The following SYNPR variants were observed in gnomAD, a reference collection of about 807,000 sequenced individuals.
The protein encoded by SYNPR is synaptoporin.
In SYNPR, 23 loss-of-function variants were observed where a neutral mutation model predicts 32.9. The ratio of observed to expected loss-of-function variants is 0.70; its 90% confidence interval spans 0.50 to 0.99. The LOEUF is 0.99. SYNPR is among the 50% of genes least tolerant of loss of function. SYNPR has a pLI of 0.00. For synonymous variants in SYNPR, 146 were observed against 135.9 expected (o/e 1.07, Z -0.52); for missense variants, 318 against 349.3 (o/e 0.91, Z 0.71).
At chr3:63,207,255 C>T in the SYNPR span, among the ~76,000 whole-genome samples, 10 of 152,180 alleles carry the variant, frequency 6.6e-5, no homozygotes, top group Middle Eastern at 3.2e-3. Flanking sequence ...CTGGGACCCA[C>T]GTCAGCTTGA....
At chr3:63,261,327 C>T (rs990731435) in intron 2 of SYNPR, among the ~76,000 whole-genome samples, 2 of 151,838 alleles carry the variant, frequency 1.3e-5, no homozygotes, top group Non-Finnish European at 2.9e-5. Context: ...AAATGTCCAA[C>T]AATGATAGAC....
rs571024189 is a variant in SYNPR at position 63,510,328 on chromosome 3, A to C, written c.209+29372A>C. On this transcript the variant is annotated intron_variant, in intron 3 of 5. Coordinates refer to ENST00000478300, the MANE Select transcript of SYNPR (RefSeq NM_001130003.2). ...TGGTTTTGAATGGAGAGAACAATGGAAAATTTAAAACAATGCTGTGTTTTT... is the reference window on the plus strand; with the variant it reads ...TGGTTTTGAATGGAGAGAACAATGGCAAATTTAAAACAATGCTGTGTTTTT... Among the ~76,000 whole-genome samples the C allele has an allele frequency of 2.0e-4, 31 of 152,298 alleles. No individual in the cohort carries two copies. In the South Asian group the frequency reaches 6.2e-3, roughly 31 times the overall value.
intron 2 of SYNPR, among the ~76,000 whole-genome samples, chr3:63,366,610 A>G (rs2087732041): frequency 2.0e-5 from 3 of 152,202 alleles, no homozygotes; most frequent in Non-Finnish European, 2.9e-5. Flanking sequence ...TCTTGCTGAC[A>G]GGTCACCAAT....
intron 2 of SYNPR, among the ~76,000 whole-genome samples, chr3:63,468,058 G>A (rs917895092): frequency 1.3e-5 from 2 of 152,038 alleles, no homozygotes; most frequent in South Asian, 2.1e-4. Flanking sequence ...AATTAGCCAG[G>A]CGTGGTGGCA....
At chr3:63,575,587 T>C (rs867777358) in intron 4 of SYNPR, among the ~76,000 whole-genome samples, 5 of 152,294 alleles carry the variant, frequency 3.3e-5, no homozygotes, top group African/African-American at 1.2e-4. Flanking sequence ...AAAAGCTTTA[T>C]AGAGAAAATA....
chr3:63,285,946 G>A (rs1312469751), intron 2 of SYNPR, among the ~76,000 whole-genome samples: 1 of 152,180 alleles, frequency 6.6e-6, no homozygotes, highest in African/African-American at 2.4e-5. Flanking sequence ...TGATAACGAT[G>A]CCAGCGGTTA....
chr3:63,342,699 T>C (rs565546766), intron 2 of SYNPR, among the ~76,000 whole-genome samples: 7 of 152,344 alleles, frequency 4.6e-5, no homozygotes, highest in African/African-American at 1.4e-4. Context: ...ATGGTAATTA[T>C]TTTTTAAATG....
At chr3:63,541,557 T>G (rs994323472) in intron 3 of SYNPR, among the ~76,000 whole-genome samples, 1 of 152,082 alleles carries the variant, frequency 6.6e-6, no homozygotes, top group African/African-American at 2.4e-5. Flanking sequence ...AAATCTTAAC[T>G]TAGGGTGAAT....
At chr3:63,450,192 T>A (rs1700352178) in intron 2 of SYNPR, among the ~76,000 whole-genome samples, 1 of 152,168 alleles carries the variant, frequency 6.6e-6, no homozygotes, top group Non-Finnish European at 1.5e-5. Flanking sequence ...GTTCACGGAA[T>A]GTAGAGTGAT....
chr3:63,518,073 T>G (rs567411610), intron 3 of SYNPR, among the ~76,000 whole-genome samples: 41 of 152,266 alleles, frequency 2.7e-4, no homozygotes, highest in Non-Finnish European at 4.6e-4. Flanking sequence ...GTCAGAATTT[T>G]GGGAGATTTT....
At chr3:63,256,542 G>T (rs1387922343) in intron 2 of SYNPR, among the ~76,000 whole-genome samples, 2 of 152,136 alleles carry the variant, frequency 1.3e-5, no homozygotes, top group Non-Finnish European at 2.9e-5. Context: ...CAAACAGAAA[G>T]GACATCCACA....
intron 3 of SYNPR, among the ~76,000 whole-genome samples, chr3:63,511,612 A>C (rs979898249): frequency 6.6e-6 from 1 of 152,164 alleles, no homozygotes; most frequent in Non-Finnish European, 1.5e-5. Context: ...CAGGCCTACA[A>C]AGGCGAGCCA....
At chr3:63,297,907 T>C (rs1044931507) in intron 2 of SYNPR, among the ~76,000 whole-genome samples, 4 of 152,032 alleles carry the variant, frequency 2.6e-5, no homozygotes, top group Non-Finnish European at 5.9e-5. Flanking sequence ...GAAAAACATC[T>C]CAAAAGACCA....
Position 63,301,370 on chromosome 3 carries a change from G to A in SYNPR, c.84+22628G>A, listed in dbSNP as rs190097280. Among the ~76,000 whole-genome samples the A allele has an allele frequency of 2.6e-5, 4 of 152,180 alleles. No individual in the cohort carries two copies. In the East Asian group the frequency reaches 5.8e-4, roughly 22 times the overall value. On this transcript the variant is annotated intron_variant, in intron 2 of 5. Coordinates refer to ENST00000478300, the MANE Select transcript of SYNPR (RefSeq NM_001130003.2). ...AATATTTATACCTAAAAAGACAGAT[G>A]TTTATAACTATTGGCTAACTTAAAA...
At chr3:63,451,276 C>G (rs76685251) in intron 2 of SYNPR, among the ~76,000 whole-genome samples, 4 of 152,038 alleles carry the variant, frequency 2.6e-5, no homozygotes, top group Non-Finnish European at 5.9e-5. Context: ...TCCATGCCCT[C>G]GATGAGTGCT....
At chr3:63,599,826 A>G (rs1260300537) in intron 4 of SYNPR, among the ~76,000 whole-genome samples, 1 of 152,200 alleles carries the variant, frequency 6.6e-6, no homozygotes. Context: ...ATATTGGTTT[A>G]ACATTTATAG....
chr3:63,468,289 G>A (rs1234939543), intron 2 of SYNPR, among the ~76,000 whole-genome samples: 1 of 151,814 alleles, frequency 6.6e-6, no homozygotes, highest in African/African-American at 2.4e-5. Context: ...TGCCAGTATG[G>A]TGTTCAAAGG....
rs201192599 is a variant in SYNPR at position 63,480,862 on chromosome 3, G to A, written c.115G>A (p.Gly39Ser). 1.3e-4 allele frequency: 216 copies of A among 1,613,276 alleles called. 1 individual carries two copies. Among genetic ancestry groups the A allele is most frequent in the Non-Finnish European group, 1.7e-4 (201 of 1,179,536 alleles). ...LFAIFAFATC[G>S]GYSGGLRLSV... ...TGCAATCTTTGCATTTGCAACATGC[G>A]GTGGCTATTCTGGAGGCCTGCGGCT... is the stretch of plus-strand genomic sequence containing the variant. The change falls in exon 3 of 6, where the codon GGT (glycine) becomes AGT (serine). Residue 39 changes from glycine to serine, a missense_variant. Physicochemically the swap from Gly to Ser is moderately conservative, Grantham distance 56. Transcript: ENST00000478300.
intron 2 of SYNPR, among the ~76,000 whole-genome samples, chr3:63,473,727 T>C (rs944434499): frequency 3.3e-5 from 5 of 152,154 alleles, no homozygotes; most frequent in Admixed American, 2.0e-4. Flanking sequence ...GTGCAAACCA[T>C]GTGAGGACAG....
Sources: allele counts gnomAD v4.1 joint callset (sites outside exome capture counted in the v4.1 genomes callset), GRCh38; gene constraint gnomAD v4.1.1; transcripts MANE v1.5; gene names NCBI Gene and HGNC (gene_info 2026-07-23, HGNC 2026-07-21).